The following DDA1 variants were observed in gnomAD, a reference collection of about 807,000 sequenced individuals.
The protein encoded by DDA1 is DET1 and DDB1 associated 1.
In DDA1, 3 loss-of-function variants were observed where a neutral mutation model predicts 18.6. The ratio of observed to expected loss-of-function variants is 0.16; its 90% CI spans 0.07 to 0.42. The LOEUF (loss-of-function observed/expected upper bound fraction) is 0.42, where lower values mean the gene tolerates loss of function less well. Ranked by LOEUF, DDA1 falls within the 10% of genes least tolerant of loss-of-function variation. DDA1 has a pLI of 0.99. For missense variants in DDA1, 105 were observed against 138.2 expected (o/e 0.76, Z 1.20); for synonymous variants, 52 against 54.0 (o/e 0.96, Z 0.17).
chr19:17,309,716 C>T (rs1427187856), intron 1 of DDA1, 59 bp downstream of exon 1: 2 of 1,592,568 alleles, frequency 1.3e-6, no homozygotes, highest in African/African-American at 2.7e-5. Flanking sequence ...CGCTGTGGTC[C>T]CACCCACCTC....
chr19:17,311,500 C>T (rs1368299884), intron 1 of DDA1, among the ~76,000 whole-genome samples: 1 of 152,140 alleles, frequency 6.6e-6, no homozygotes, highest in Non-Finnish European at 1.5e-5. Flanking sequence ...CACTTTCTAG[C>T]CTATAAAATG....
intron 1 of DDA1, among the ~76,000 whole-genome samples, chr19:17,311,731 TG>T (rs921221829): frequency 1.3e-5 from 2 of 152,210 alleles, no homozygotes; most frequent in Non-Finnish European, 2.9e-5. Flanking sequence ...TTCCTGACTT[TG>T]GGGGGCCCCC....
rs561286792 is a variant in DDA1 at position 17,309,775 on chromosome 19, G to A, written c.3+118G>A. 2.6e-5 allele frequency: 35 copies of A among 1,327,854 alleles called. No individual in the cohort carries two copies. The African/African-American group carries it at 4.8e-4, about 18-fold the overall frequency. The allele number at this position is 1,327,854 out of a possible 1,614,324, so 82.3% of individuals were successfully genotyped here. On this transcript the variant is annotated intron_variant, in intron 1 of 4. Coordinates refer to ENST00000359866, the MANE Select transcript of DDA1 (RefSeq NM_024050.6). Reference sequence around the variant, plus strand: ...CGTTCTGCCCGGTCCCCTCAGGTCCGGCCCGCCCCTCCCACTCACCTGTGA... The same window carrying A: ...CGTTCTGCCCGGTCCCCTCAGGTCCAGCCCGCCCCTCCCACTCACCTGTGA...
chr19:17,322,194 G>A lies in DDA1; in HGVS notation c.*2538G>A, dbSNP rs2074243275. On this transcript the variant is annotated 3_prime_UTR_variant, in exon 5 of 5. Coordinates refer to ENST00000359866, the MANE Select transcript of DDA1 (RefSeq NM_024050.6). ...GCCCGTCGCTCTGCAGGGCTGCTGG[G>A]CGGGCACCTCCTTCCCCTCCCCTAC... 6.5e-6 allele frequency: 1 copy of A among 153,186 alleles called. No individual in the cohort carries two copies. The highest frequency in any genetic ancestry group is 2.4e-5 in the African/African-American group (1 of 41,434). The allele number at this position is 153,186 out of a possible 1,614,324, so 9.5% of individuals were successfully genotyped here.
Position 17,319,493 on chromosome 19 carries a change from G to C in DDA1, c.199-53G>C. On this transcript the variant is annotated intron_variant, in intron 4 of 4. Transcript: ENST00000359866. Reference sequence around the variant, plus strand: ...GAGGATTGCTTGAGCCCAGAAGGTTGAGGCTGTCCGAAAAAAAAGACTCAC... The same window carrying C: ...GAGGATTGCTTGAGCCCAGAAGGTTCAGGCTGTCCGAAAAAAAAGACTCAC... 2.7e-6 allele frequency: 4 copies of C among 1,486,022 alleles called. No homozygotes were observed. The South Asian group carries it at 4.9e-5, about 18-fold the overall frequency. 92.1% of individuals were successfully genotyped at this position (1,486,022 alleles called of 1,614,324 possible).
rs2004443 is a variant in DDA1, at chr19:17,321,217, T to C, written c.*1561T>C. The C allele has an allele frequency of 0.92, 139,387 of 151,484 alleles. 65,158 individuals carry two copies. The highest frequency in any genetic ancestry group is 0.98 in the African/African-American group (40,524 of 41,254). 9.4% of individuals were successfully genotyped at this position (151,484 alleles called of 1,614,324 possible). On this transcript the variant is annotated 3_prime_UTR_variant, in exon 5 of 5. Coordinates refer to ENST00000359866, the MANE Select transcript of DDA1 (RefSeq NM_024050.6). ...CAAGATCTCAGCTCACTACAACCTC[T>C]GCCTCCCAGGTTCAAGTGATTCTCC...
rs188342845 is a variant in DDA1, at chr19:17,317,366, G to A, written c.198+1371G>A. 4.0e-3 allele frequency among the ~76,000 whole-genome samples: 613 copies of A among 151,938 alleles called. 6 individuals are homozygous for A. Among genetic ancestry groups the A allele is most frequent in the African/African-American group, 0.014 (566 of 41,428 alleles). The stretch of plus-strand genomic sequence containing the variant: ...CTACTAAAAATACAAAAAATTAGCC[G>A]CGTAGCTGGGTGTGGCGGCGGGTGC... On this transcript the variant is annotated intron_variant, in intron 4 of 4. Transcript: ENST00000359866.
chr19:17,317,640 T>G (rs2145677268), intron 4 of DDA1, among the ~76,000 whole-genome samples: 1 of 144,146 alleles, frequency 6.9e-6, no homozygotes, highest in Admixed American at 7.1e-5. Context: ...TTGAGACCAG[T>G]CTAGGCAACA....
At chr19:17,316,450 C>T (rs935192406) in intron 4 of DDA1, among the ~76,000 whole-genome samples, 3 of 151,664 alleles carry the variant, frequency 2.0e-5, no homozygotes, top group Non-Finnish European at 4.4e-5. Flanking sequence ...CGTGGTGGCA[C>T]GTGACTGTAA....
In DDA1 at chr19:17,318,718, T is replaced by A. The variant is rs543316081; in HGVS notation, c.199-828T>A. On this transcript the variant is annotated intron_variant, in intron 4 of 4. Coordinates refer to ENST00000359866, the MANE Select transcript of DDA1 (RefSeq NM_024050.6). ...TCTCTGTTGCCCAGGCTGGAGTGAG[T>A]GCAGTGGCGTGATCTCAGCTCACTG... is the stretch of plus-strand genomic sequence containing the variant. Among the ~76,000 whole-genome samples, 26 of 150,126 alleles carry A rather than the reference T, an allele frequency of 1.7e-4. 1 individual carries two copies. The South Asian group carries it at 4.8e-3, about 28-fold the overall frequency.
At chr19:17,315,100 C>T (rs12984425) in intron 3 of DDA1, among the ~76,000 whole-genome samples, 36,379 of 65,666 alleles carry the variant, frequency 0.55, 10,284 homozygotes, top group African/African-American at 0.64. Context: ...CGTATATATA[C>T]ACACATATAT....
Position 17,319,614 on chromosome 19 carries a change from G to A in DDA1, c.267G>A (p.Lys89=), listed in dbSNP as rs2074229941. 1 of 1,579,444 alleles carries A rather than the reference G, an allele frequency of 6.3e-7. No individual in the cohort carries two copies. The highest frequency in any genetic ancestry group is 8.6e-7 in the Non-Finnish European group (1 of 1,162,746). ...GCGAGAGCTCCGCACCTCCCCGCAA[G>A]GTGGCGCGGACCGACAGCCCAGACA... ...LEGESSAPPR[K]VARTDSPDMH... The change falls in exon 5 of 5, where the codon AAG becomes AAA. Residue 89 remains lysine (K), a synonymous_variant. Coordinates refer to ENST00000359866, the MANE Select transcript of DDA1 (RefSeq NM_024050.6).
Position 17,309,638 on chromosome 19 carries a change from G to A in DDA1, c.-17G>A, listed in dbSNP as rs2074168929. On this transcript the variant is annotated 5_prime_UTR_variant, in exon 1 of 5. Coordinates refer to ENST00000359866, the MANE Select transcript of DDA1 (RefSeq NM_024050.6). ...AGGCTGAGGCGGCGGCCGAGGCGGC[G>A]ACGGAGGAAACAGAAGATGGTGAGG... The A allele has an allele frequency of 1.2e-6, 2 of 1,612,998 alleles. No individual in the cohort carries two copies. The highest frequency in any genetic ancestry group is 1.7e-6 in the Non-Finnish European group (2 of 1,179,410).
At chr19:17,318,200 G>A (rs879927577) in intron 4 of DDA1, among the ~76,000 whole-genome samples, 11 of 151,918 alleles carry the variant, frequency 7.2e-5, no homozygotes, top group Admixed American at 3.3e-4. Context: ...TTACAGGCAC[G>A]CGCCACCATG....
In DDA1 at chr19:17,321,565, GTC is replaced by G. The variant is rs1248833948; in HGVS notation, c.*1913_*1914del. On this transcript the variant is annotated 3_prime_UTR_variant, in exon 5 of 5. Transcript: ENST00000359866. ...ACGTGAACCACCGTGCCTGGCAGAG[GTC>G]TCTGTTTTGAGAGCTGAGTCTGAGG... 6.6e-6 allele frequency: 1 copy of G among 152,520 alleles called. No individual in the cohort carries two copies. Among genetic ancestry groups the G allele is most frequent in the Non-Finnish European group, 1.5e-5 (1 of 68,294 alleles). The allele number at this position is 152,520 out of a possible 1,614,324, so 9.4% of individuals were successfully genotyped here. A position where few individuals can be genotyped will look rare whatever the true frequency, so the allele number is the denominator to read the frequency against.
Position 17,315,225 on chromosome 19 carries a change from G to GTA in DDA1, c.137-706_137-705dup, listed in dbSNP as rs1188574872. On this transcript the variant is annotated intron_variant, in intron 3 of 4. Coordinates refer to ENST00000359866, the MANE Select transcript of DDA1 (RefSeq NM_024050.6). ...TACACACGTGTATATACACACACGT[G>GTA]TATACACACACACGTGTATATACAC... Among the ~76,000 whole-genome samples, 9 of 14,738 alleles carry GTA rather than the reference G, an allele frequency of 6.1e-4. 1 individual carries two copies. The highest frequency in any genetic ancestry group is 2.1e-3 in the South Asian group (1 of 480). 9.7% of individuals were successfully genotyped at this position (14,738 alleles called of 152,430 possible).
Position 17,315,236 on chromosome 19 carries a change from CACGT to C in DDA1, c.137-697_137-694del, listed in dbSNP as rs1197645041. On this transcript the variant is annotated intron_variant, in intron 3 of 4. Coordinates refer to ENST00000359866, the MANE Select transcript of DDA1 (RefSeq NM_024050.6). Reference sequence around the variant, plus strand: ...ATATACACACACGTGTATACACACACACGTGTATATACACACACGTGTATATACA... The same window carrying C: ...ATATACACACACGTGTATACACACACGTATATACACACACGTGTATATACA... 2.9e-5 allele frequency among the ~76,000 whole-genome samples: 2 copies of C among 68,350 alleles called. 1 individual carries two copies. The highest frequency in any genetic ancestry group is 1.5e-4 in the African/African-American group (2 of 13,248). 44.8% of individuals were successfully genotyped at this position (68,350 alleles called of 152,430 possible). A position where few individuals can be genotyped will look rare whatever the true frequency, so the allele number is the denominator to read the frequency against.
chr19:17,320,159 T>C lies in DDA1; in HGVS notation c.*503T>C, dbSNP rs535333849. The C allele has an allele frequency of 9.5e-4, 146 of 153,786 alleles. No individual in the cohort carries two copies. The highest frequency in any genetic ancestry group is 1.6e-3 in the Non-Finnish European group (109 of 68,990). The allele number at this position is 153,786 out of a possible 1,614,324, so 9.5% of individuals were successfully genotyped here. A position where few individuals can be genotyped will look rare whatever the true frequency, so the allele number is the denominator to read the frequency against. ...CCACGCTTCGCCCGGAACTTTCCCA[T>C]GCCCAGGCCTCACTCAGCGTGCACG... On this transcript the variant is annotated 3_prime_UTR_variant, in exon 5 of 5. Transcript: ENST00000359866.
rs2074209767 is a variant in DDA1 at position 17,315,697 on chromosome 19, G to A, written c.137-237G>A. On this transcript the variant is annotated intron_variant, in intron 3 of 4. Transcript: ENST00000359866. ...ATAGGCATGAGAGTCTCAGTTGCGGGGCTTGGTCCCCCACCAAGGGTGGAA... is the reference window on the plus strand; with the variant it reads ...ATAGGCATGAGAGTCTCAGTTGCGGAGCTTGGTCCCCCACCAAGGGTGGAA... The A allele has an allele frequency of 6.6e-6, 4 of 603,046 alleles. No individual in the cohort carries two copies. In the South Asian group the frequency reaches 7.6e-5, roughly 11 times the overall value. 37.4% of individuals were successfully genotyped at this position (603,046 alleles called of 1,614,324 possible).
Sources: allele counts gnomAD v4.1 joint callset (sites outside exome capture counted in the v4.1 genomes callset), GRCh38; gene constraint gnomAD v4.1.1; transcripts MANE v1.5; gene names NCBI Gene and HGNC (gene_info 2026-07-23, HGNC 2026-07-21).